ZNF407: variants seen among roughly 807,000 people sequenced by gnomAD.
ZNF407 encodes zinc finger protein 407.
ZNF407 carries 17 observed loss-of-function variants against 131.2 expected under a neutral mutation model. That is an observed-to-expected ratio of 0.13 (90% CI 0.09 to 0.19). ZNF407 has a LOEUF of 0.19. Ranked by LOEUF, ZNF407 falls within the 10% of genes least tolerant of loss-of-function variation. The pLI is 1.00. For synonymous variants in ZNF407, 1,156 were observed against 1,062.0 expected, an observed-to-expected ratio of 1.09 and a Z score of -1.72; for missense variants, 2,681 against 2,830.6, an observed-to-expected ratio of 0.95 and a Z score of 1.20.
chr18:74,637,893 A>G (rs1984530393), intron 2 of ZNF407, among the ~76,000 whole-genome samples: 1 of 152,232 alleles, frequency 6.6e-6, no homozygotes, highest in African/African-American at 2.4e-5. Flanking sequence ...GTTATCAAGC[A>G]TCGTAGGAAA....
chr18:75,049,378 T>G (rs150468086), intron 8 of ZNF407, among the ~76,000 whole-genome samples: 16 of 152,212 alleles, frequency 1.1e-4, no homozygotes, highest in Admixed American at 7.8e-4. Context: ...ATCATACTTA[T>G]TTGTCCGGTT....
intron 8 of ZNF407, among the ~76,000 whole-genome samples, chr18:74,931,677 A>G (rs913849550): frequency 2.6e-5 from 4 of 151,970 alleles, no homozygotes; most frequent in Non-Finnish European, 4.4e-5. Context: ...CTGTTGAACT[A>G]TTTTTCAAAC....
At chr18:74,688,442 G>A (rs964621445) in intron 3 of ZNF407, among the ~76,000 whole-genome samples, 7 of 152,190 alleles carry the variant, frequency 4.6e-5, no homozygotes, top group Non-Finnish European at 1.0e-4. Context: ...CTTTGTTAAT[G>A]AATTGGGAGG....
chr18:74,748,430 C>T (rs1162232572), intron 3 of ZNF407, among the ~76,000 whole-genome samples: 1 of 152,044 alleles, frequency 6.6e-6, no homozygotes, highest in Non-Finnish European at 1.5e-5. Flanking sequence ...CAAAATTACA[C>T]ATTACAGGTT....
chr18:74,729,577 G>C (rs1342928193), intron 3 of ZNF407, among the ~76,000 whole-genome samples: 1 of 152,012 alleles, frequency 6.6e-6, no homozygotes, highest in African/African-American at 2.4e-5. Context: ...TTTGTGAGGA[G>C]CGCTCAGCAT....
chr18:74,903,359 T>G (rs1386622623), intron 7 of ZNF407, among the ~76,000 whole-genome samples: 2 of 152,178 alleles, frequency 1.3e-5, no homozygotes, highest in African/African-American at 4.8e-5. Flanking sequence ...ATTTGTCAAG[T>G]AATATTTTTT....
chr18:74,703,190 C>T lies in ZNF407; in HGVS notation c.4802+62068C>T, dbSNP rs1287070712. On this transcript the variant is annotated intron_variant, in intron 3 of 8. Coordinates refer to ENST00000299687, the MANE Select transcript of ZNF407 (RefSeq NM_017757.3). The surrounding 1 kb of genome is among the most constrained non-coding windows in gnomAD (Gnocchi z 4.1). ...AGCTACAAGTGACTGCTGCTTGTAG[C>T]AGCCTTCTTCATTTCTCACAAGAAC... Among the ~76,000 whole-genome samples the T allele has an allele frequency of 6.6e-6, 1 of 152,208 alleles. No homozygotes were observed.
chr18:75,040,389 A>G (rs1198677773), intron 8 of ZNF407, among the ~76,000 whole-genome samples: 1 of 152,204 alleles, frequency 6.6e-6, no homozygotes, highest in East Asian at 1.9e-4. Flanking sequence ...TGTTTAATAT[A>G]CTAAAAAAAG....
At chr18:74,601,329 CTGTGTGTGTGTGTGTGTG>C (rs60358173) in intron 1 of ZNF407, among the ~76,000 whole-genome samples, 2 of 144,760 alleles carry the variant, frequency 1.4e-5, no homozygotes, top group Non-Finnish European at 3.0e-5. Flanking sequence ...GTGTGTATGT[CTGTGTGTGTGTGTGTGTG>C]TGTGTGTGTG....
At chr18:74,760,154 C>T (rs937890058) in intron 3 of ZNF407, among the ~76,000 whole-genome samples, 2 of 152,192 alleles carry the variant, frequency 1.3e-5, no homozygotes, top group Non-Finnish European at 2.9e-5. Flanking sequence ...TCATGTGTGG[C>T]GACTAACGTC....
chr18:74,883,618 G>A (rs1484839508), intron 6 of ZNF407, among the ~76,000 whole-genome samples: 4 of 152,144 alleles, frequency 2.6e-5, no homozygotes, highest in East Asian at 1.9e-4. Flanking sequence ...AGATCCTCAC[G>A]TGTGGTTGAA....
chr18:74,876,263 C>T (rs913446371), intron 4 of ZNF407, among the ~76,000 whole-genome samples: 4 of 152,136 alleles, frequency 2.6e-5, no homozygotes, highest in African/African-American at 7.2e-5. Flanking sequence ...CTTGTCAACT[C>T]GTTATAATAT....
In ZNF407 at chr18:74,989,827, A is replaced by C. The variant is rs542397832; in HGVS notation, c.5428+69135A>C. Among the ~76,000 whole-genome samples the C allele has an allele frequency of 2.7e-5, 4 of 150,140 alleles. No individual in the cohort carries two copies. The East Asian group carries it at 5.9e-4, about 22-fold the overall frequency. ...GACTGTACTCCAGCCTGGGCGACAG[A>C]GCGAAACTCTGTCTCAAAAAAAAAA... On this transcript the variant is annotated intron_variant, in intron 8 of 8. Transcript: ENST00000299687.
At chr18:74,699,013 G>A (rs986731253) in intron 3 of ZNF407, among the ~76,000 whole-genome samples, 1 of 152,020 alleles carries the variant, frequency 6.6e-6, no homozygotes, top group African/African-American at 2.4e-5. Flanking sequence ...TTCTCTAATC[G>A]AAAAGCAGTG....
chr18:74,880,495 C>G (rs9964547), intron 5 of ZNF407, among the ~76,000 whole-genome samples: 3,991 of 152,180 alleles, frequency 0.026, 171 homozygotes, highest in African/African-American at 0.089. Context: ...TTTATTGTTA[C>G]TTGGGATCTT....
intron 1 of ZNF407, among the ~76,000 whole-genome samples, chr18:74,625,241 T>G (rs1305609581): frequency 6.6e-6 from 1 of 152,242 alleles, no homozygotes; most frequent in Admixed American, 6.5e-5. Context: ...TTTAGAAGAT[T>G]AAGGCTCTCA....
At chr18:74,767,629 A>G (rs1969265352) in intron 3 of ZNF407, among the ~76,000 whole-genome samples, 1 of 146,042 alleles carries the variant, frequency 6.8e-6, no homozygotes, top group African/African-American at 2.5e-5. Flanking sequence ...TCAGAATTAG[A>G]TTGTATAATT....
In ZNF407 at chr18:75,065,278, A is replaced by G. The variant is rs1973699524; in HGVS notation, c.*810A>G. On this transcript the variant is annotated 3_prime_UTR_variant, in exon 9 of 9. Coordinates refer to ENST00000299687, the MANE Select transcript of ZNF407 (RefSeq NM_017757.3). ...ATGTGAAACGCACACGCTGGAAGAT[A>G]TTGTTCCTATCAATATTTTGCTTTT... 6.6e-6 allele frequency: 1 copy of G among 152,240 alleles called. No individual in the cohort carries two copies. The highest frequency in any genetic ancestry group is 1.5e-5 in the Non-Finnish European group (1 of 68,050). 9.4% of individuals were successfully genotyped at this position (152,240 alleles called of 1,614,324 possible).
intron 1 of ZNF407, among the ~76,000 whole-genome samples, chr18:74,607,021 C>T (rs903332692): frequency 3.3e-5 from 5 of 152,276 alleles, no homozygotes; most frequent in East Asian, 1.9e-4. Flanking sequence ...AACCCTATTC[C>T]GACTCCTCAT....
Sources: gnomAD v4.1 joint callset for allele counts (sites outside exome capture counted in the v4.1 genomes callset) on GRCh38, gnomAD v4.1.1 for gene constraint, Gnocchi (gnomAD v3.1) non-coding constraint, MANE v1.5 for transcripts, NCBI Gene and HGNC (gene_info 2026-07-23, HGNC 2026-07-21) for gene names.